The following UNC5A variants were observed in gnomAD, a reference collection of about 807,000 sequenced individuals.
The protein encoded by UNC5A is unc-5 netrin receptor A.
A neutral mutation model predicts 87.4 loss-of-function variants in UNC5A; 20 were observed. The observed-to-expected ratio is 0.23, with a 90% CI of 0.16 to 0.33. The LOEUF (loss-of-function observed/expected upper bound fraction) is 0.33. Among genes scored for constraint, UNC5A ranks in the 10% least tolerant of loss-of-function variants. The probability of loss-of-function intolerance (pLI) is 1.00; values close to 1 mark genes in which losing one functional copy is unlikely to be tolerated. For synonymous variants in UNC5A, 438 were observed against 482.3 expected (o/e 0.91, Z 1.20); for missense variants, 844 against 1,133.4 (o/e 0.74, Z 3.67).
chr5:176,857,766 C>T (rs1274066640), intron 1 of UNC5A, among the ~76,000 whole-genome samples: 1 of 152,184 alleles, frequency 6.6e-6, no homozygotes, highest in African/African-American at 2.4e-5. Context: ...CCTGTCTGAC[C>T]AAGTCCTGTA....
intron 3 of UNC5A, 124 bp from the exon 4 acceptor site, chr5:176,868,436 GC>G: frequency 7.0e-7 from 1 of 1,427,004 alleles, no homozygotes; most frequent in Non-Finnish European, 9.6e-7. Flanking sequence ...CCACCCCATG[GC>G]CCCCTGGCCA....
intron 6 of UNC5A, among the ~76,000 whole-genome samples, chr5:176,872,785 T>C (rs867436028): frequency 3.6e-5 from 2 of 55,808 alleles, no homozygotes; most frequent in Admixed American, 2.0e-4. Context: ...TGCCCACACC[T>C]GCCCCAACAC....
intron 1 of UNC5A, among the ~76,000 whole-genome samples, chr5:176,862,317 T>C (rs1448606760): frequency 6.6e-6 from 1 of 152,198 alleles, no homozygotes; most frequent in Non-Finnish European, 1.5e-5. Context: ...CCTGGCCAGA[T>C]CCCTGGACTT....
chr5:176,840,201 C>T (rs908535620), intron 1 of UNC5A, among the ~76,000 whole-genome samples: 1 of 152,136 alleles, frequency 6.6e-6, no homozygotes, highest in Non-Finnish European at 1.5e-5. Context: ...CTGGCGTTGG[C>T]CCAGGTTGTG....
Position 176,810,763 on chromosome 5 carries a change from C to G in UNC5A, c.13C>G (p.Pro5Ala). Residue 5 changes from proline to alanine, a missense_variant, in exon 1 of 15, where the codon CCC (proline) becomes GCC (alanine). By Grantham distance (27) the Pro-to-Ala change is conservative (BLOSUM62 -1). Coordinates refer to ENST00000329542, the MANE Select transcript of UNC5A (RefSeq NM_133369.3). The surrounding 1 kb of genome is among the most constrained non-coding windows in gnomAD (Gnocchi z 7.3). ...CCCGCCCGCGGCCATGGCCGTCCGG[C>G]CCGGCCTGTGGCCAGCGCTCCTGGG... is the stretch of plus-strand genomic sequence containing the variant. MAVR[P>A]GLWPALLGIV... 1 of 1,193,120 alleles carries G rather than the reference C, an allele frequency of 8.4e-7. No homozygotes were observed. The highest frequency in any genetic ancestry group is 1.0e-6 in the Non-Finnish European group (1 of 963,958). The allele number at this position is 1,193,120 out of a possible 1,614,324, so 73.9% of individuals were successfully genotyped here. A position where few individuals can be genotyped will look rare whatever the true frequency, so the allele number is the denominator to read the frequency against.
chr5:176,860,194 G>C (rs10071529), intron 1 of UNC5A, among the ~76,000 whole-genome samples: 139,497 of 152,302 alleles, frequency 0.92, 64,198 homozygotes, highest in African/African-American at 0.95. Flanking sequence ...CAGGTGGGCC[G>C]GGAACCTGCC....
chr5:176,811,743 G>C (rs1756461175), intron 1 of UNC5A, among the ~76,000 whole-genome samples: 1 of 152,078 alleles, frequency 6.6e-6, no homozygotes, highest in South Asian at 2.1e-4. Context: ...CTGTGGTGGT[G>C]GGGGGTGGGT....
intron 1 of UNC5A, among the ~76,000 whole-genome samples, chr5:176,811,075 C>T (rs927129199): frequency 6.6e-6 from 1 of 152,186 alleles, no homozygotes; most frequent in African/African-American, 2.4e-5. Context: ...ACACCCCACG[C>T]CTCCGGGTGG....
chr5:176,837,021 A>C (rs932790384), intron 1 of UNC5A, among the ~76,000 whole-genome samples: 3 of 152,184 alleles, frequency 2.0e-5, no homozygotes, highest in African/African-American at 7.2e-5. Flanking sequence ...TGTATGTGTG[A>C]GTCTGCATTT....
Position 176,810,868 on chromosome 5 carries a change from G to A in UNC5A, c.70+48G>A, listed in dbSNP as rs1483307673. On this transcript the variant is annotated intron_variant, in intron 1 of 14. Transcript: ENST00000329542. The surrounding 1 kb of genome is among the most constrained non-coding windows in gnomAD (Gnocchi z 7.3). The stretch of plus-strand genomic sequence containing the variant: ...TGGGGAGGCTTGCGGGGGACCGTGC[G>A]CGCGAACGCTCGCTGCTCTGGGGGT... 8.3e-7 allele frequency: 1 copy of A among 1,210,058 alleles called. No homozygotes were observed. Among genetic ancestry groups the A allele is most frequent in the Non-Finnish European group, 1.0e-6 (1 of 973,386 alleles). 75.0% of individuals were successfully genotyped at this position (1,210,058 alleles called of 1,614,324 possible). A position where few individuals can be genotyped will look rare whatever the true frequency, so the allele number is the denominator to read the frequency against.
rs1581239054 is a variant in UNC5A at position 176,814,144 on chromosome 5, C to A, written c.70+3324C>A. 2.0e-5 allele frequency among the ~76,000 whole-genome samples: 3 copies of A among 152,294 alleles called. No homozygotes were observed. In the South Asian group the frequency reaches 6.2e-4, roughly 32 times the overall value. On this transcript the variant is annotated intron_variant, in intron 1 of 14. Transcript: ENST00000329542. The stretch of plus-strand genomic sequence containing the variant: ...TTTCTCCCTCACCTGCAGCAGCCAC[C>A]ACCACCCATCCCCCTCGGGCCTCCT...
Position 176,875,404 on chromosome 5 carries a change from G to A in UNC5A, c.1378+838G>A, listed in dbSNP as rs749580307. 1.3e-5 allele frequency among the ~76,000 whole-genome samples: 2 copies of A among 151,524 alleles called. No individual in the cohort carries two copies. The highest frequency in any genetic ancestry group is 2.9e-5 in the Non-Finnish European group (2 of 67,926). ...CCATTCCTGGCTTCCCCCAGTTCACGGATCGTCTAGTTGCTCAAGCCGGAA... is the reference window on the plus strand; with the variant it reads ...CCATTCCTGGCTTCCCCCAGTTCACAGATCGTCTAGTTGCTCAAGCCGGAA... On this transcript the variant is annotated intron_variant, in intron 8 of 14. Coordinates refer to ENST00000329542, the MANE Select transcript of UNC5A (RefSeq NM_133369.3). The surrounding 1 kb of genome is among the most constrained non-coding windows in gnomAD (Gnocchi z 5.2).
intron 1 of UNC5A, among the ~76,000 whole-genome samples, chr5:176,861,627 A>G (rs1757843275): frequency 6.6e-6 from 1 of 152,170 alleles, no homozygotes; most frequent in Non-Finnish European, 1.5e-5. Flanking sequence ...AGGAGCCCAG[A>G]GGCCATCCAT....
At chr5:176,829,374 G>A (rs567464712) in intron 1 of UNC5A, among the ~76,000 whole-genome samples, 46 of 139,284 alleles carry the variant, frequency 3.3e-4, no homozygotes, top group African/African-American at 1.1e-3. Flanking sequence ...GATGGATAAA[G>A]TGGGTGGATG....
At position 176,828,456 on chromosome 5, in the gene UNC5A, G is replaced by A. The variant is rs559185800; in HGVS notation, c.70+17636G>A. On this transcript the variant is annotated intron_variant, in intron 1 of 14. Coordinates refer to ENST00000329542, the MANE Select transcript of UNC5A (RefSeq NM_133369.3). Reference sequence around the variant, plus strand: ...ATGGGGCTGGAGGTGGCAGGACCAGGGAGTAGGAATCAGGGGACCCAAGAG... The same window carrying A: ...ATGGGGCTGGAGGTGGCAGGACCAGAGAGTAGGAATCAGGGGACCCAAGAG... 3.9e-5 allele frequency among the ~76,000 whole-genome samples: 6 copies of A among 152,142 alleles called. No individual in the cohort carries two copies. The South Asian group carries it at 1.2e-3, about 32-fold the overall frequency.
chr5:176,868,271 C>A lies in UNC5A; in HGVS notation c.434C>A (p.Ala145Asp), dbSNP rs772731294. The A allele has an allele frequency of 6.2e-7, 1 of 1,613,384 alleles. No individual in the cohort carries two copies. Among genetic ancestry groups the A allele is most frequent in the South Asian group, 1.1e-5 (1 of 91,070 alleles). The stretch of plus-strand genomic sequence containing the variant: ...AGTCAGAAGGCCTACATCCGCATAG[C>A]CTGTGAGTCTAGGGCTGGGCCCTGG... ...TKSQKAYIRIAYLRKNFEQEP... is the reference protein window; with the variant it reads ...TKSQKAYIRIDYLRKNFEQEP... The change falls in exon 3 of 15, where the codon GCC becomes GAC. Residue 145 changes from alanine to aspartate, a missense_variant and splice_region_variant. Ala to Asp is a moderately radical substitution (Grantham distance 126). This residue lies in a region of UNC5A where 314 missense variants were observed against 466.5 expected (regional missense o/e 0.67). Transcript: ENST00000329542.
chr5:176,814,941 C>T (rs1756552147), intron 1 of UNC5A, among the ~76,000 whole-genome samples: 1 of 152,192 alleles, frequency 6.6e-6, no homozygotes, highest in Admixed American at 6.5e-5. Flanking sequence ...TGCCATGCTC[C>T]AGGGAAGCTG....
intron 1 of UNC5A, among the ~76,000 whole-genome samples, chr5:176,821,457 G>A (rs1756726494): frequency 6.6e-6 from 1 of 152,138 alleles, no homozygotes; most frequent in Non-Finnish European, 1.5e-5. Context: ...TCCACTGGAG[G>A]CCCGTCTTTG....
chr5:176,877,722 C>A lies in UNC5A; in HGVS notation c.1635+19C>A. ...CTGGGAGGTGAGCAGGGAACTGACC[C>A]GGGCTCCAGAAGGGAACGTGGGCTA... On this transcript the variant is annotated intron_variant, in intron 10 of 14. Coordinates refer to ENST00000329542, the MANE Select transcript of UNC5A (RefSeq NM_133369.3). 6.3e-7 allele frequency: 1 copy of A among 1,576,906 alleles called. No homozygotes were observed.
Sources: allele counts gnomAD v4.1 joint callset (sites outside exome capture counted in the v4.1 genomes callset), GRCh38; gene constraint gnomAD v4.1.1; regional missense constraint gnomAD v4.1.1; non-coding constraint Gnocchi (gnomAD v3.1); transcripts MANE v1.5; gene names NCBI Gene and HGNC (gene_info 2026-07-23, HGNC 2026-07-21).